DPF3: variants seen among roughly 807,000 people sequenced by gnomAD.
The protein encoded by DPF3 is double PHD fingers 3.
DPF3 carries 18 observed loss-of-function variants against 56.8 expected under a neutral mutation model. The ratio of observed to expected loss-of-function variants is 0.32; its 90% CI spans 0.22 to 0.47. DPF3 has a LOEUF of 0.47. DPF3 is among the 20% of genes least tolerant of loss of function. The pLI is 1.00. For missense variants in DPF3, 403 were observed against 488.8 expected, an observed-to-expected ratio of 0.82 and a Z score of 1.65; for synonymous variants, 188 against 180.2, an observed-to-expected ratio of 1.04 and a Z score of -0.35.
chr14:72,678,186 C>G (rs1217260603), intron 7 of DPF3, among the ~76,000 whole-genome samples: 1 of 152,214 alleles, frequency 6.6e-6, no homozygotes, highest in African/African-American at 2.4e-5. Context: ...GTTTCACCCC[C>G]AGTTTGTCTG....
chr14:72,709,524 C>T (rs2153575111), intron 6 of DPF3, among the ~76,000 whole-genome samples: 1 of 152,298 alleles, frequency 6.6e-6, no homozygotes, highest in South Asian at 2.1e-4. Context: ...GCGGCCAGGG[C>T]TTCACCTCAT....
At chr14:72,813,355 A>T (rs993349676) in intron 1 of DPF3, among the ~76,000 whole-genome samples, 11 of 152,288 alleles carry the variant, frequency 7.2e-5, no homozygotes, top group African/African-American at 2.6e-4. Context: ...GACAGGATTC[A>T]ATCTGGAGGA....
At chr14:72,871,306 TC>T (rs1351244470) in intron 1 of DPF3, among the ~76,000 whole-genome samples, 1 of 152,126 alleles carries the variant, frequency 6.6e-6, no homozygotes, top group African/African-American at 2.4e-5. Context: ...AATCATGCCT[TC>T]CCAAAAGTCC....
chr14:72,701,947 C>T (rs1016395322), intron 6 of DPF3, among the ~76,000 whole-genome samples: 6 of 152,184 alleles, frequency 3.9e-5, no homozygotes, highest in African/African-American at 7.2e-5. Flanking sequence ...TGTCATCTGC[C>T]GATGCCTCCA....
At chr14:72,769,305 A>C (rs1429681982) in intron 2 of DPF3, among the ~76,000 whole-genome samples, 1 of 152,162 alleles carries the variant, frequency 6.6e-6, no homozygotes, top group Non-Finnish European at 1.5e-5. Flanking sequence ...GAGAGGAGGA[A>C]GTGTACAGGA....
chr14:72,669,911 TG>T, intron 8 of DPF3: 1 of 985,954 alleles, frequency 1.0e-6, no homozygotes, highest in Non-Finnish European at 1.2e-6. Flanking sequence ...ATAGATATGA[TG>T]GTTTTGCCCA....
chr14:72,684,447 G>A (rs897405837), intron 7 of DPF3, among the ~76,000 whole-genome samples: 3 of 151,654 alleles, frequency 2.0e-5, no homozygotes, highest in Non-Finnish European at 4.4e-5. Context: ...TATTTTGGAA[G>A]ACTGAAGGAA....
rs903436539 is a variant in DPF3 at position 72,619,925 on chromosome 14, G to A, written c.1044C>T (p.Pro348=). Residue 348 remains proline, a synonymous_variant, in exon 10 of 11, where the codon CCC becomes CCT. Coordinates refer to ENST00000556509, the MANE Select transcript of DPF3 (RefSeq NM_001280542.3). ...DRGYHMYCLN[P]PVAEPPEGSW... ...TACCTTCTGGGGGCTCAGCCACCGG[G>A]GGATTTAAACAGTACATGTGATAGC... The A allele has an allele frequency of 2.0e-6, 3 of 1,534,214 alleles. No individual in the cohort carries two copies. The highest frequency in any genetic ancestry group is 4.9e-5 in the East Asian group (2 of 40,902).
At chr14:72,718,924 G>T (rs1220860124) in intron 5 of DPF3, among the ~76,000 whole-genome samples, 3 of 151,376 alleles carry the variant, frequency 2.0e-5, no homozygotes, top group Non-Finnish European at 4.4e-5. Context: ...GTGCATGCCG[G>T]CATGCCCAGC....
At chr14:72,758,073 A>G (rs1890912908) in intron 2 of DPF3, among the ~76,000 whole-genome samples, 1 of 152,232 alleles carries the variant, frequency 6.6e-6, no homozygotes, top group African/African-American at 2.4e-5. Context: ...AAAAGTGAAG[A>G]TACAGTTAGA....
intron 1 of DPF3, among the ~76,000 whole-genome samples, chr14:72,780,246 C>T (rs1891916928): frequency 2.0e-5 from 3 of 152,206 alleles, no homozygotes; most frequent in African/African-American, 4.8e-5. Context: ...TGAAAACTTG[C>T]TTCTTCCAGG....
rs146806666 is a variant in DPF3 at position 72,694,197 on chromosome 14, C to T, written c.605-984G>A. Among the ~76,000 whole-genome samples the T allele has an allele frequency of 2.1e-3, 319 of 152,314 alleles. 1 individual carries two copies. The highest frequency in any genetic ancestry group is 7.4e-3 in the African/African-American group (306 of 41,576). On this transcript the variant is annotated intron_variant, in intron 6 of 10. Coordinates refer to ENST00000556509, the MANE Select transcript of DPF3 (RefSeq NM_001280542.3). The stretch of plus-strand genomic sequence containing the variant: ...CCTCCCCACATAGGGATCATTATCT[C>T]GGCCCCTAGGGGGACGGCATTGCTG...
At chr14:72,878,154 G>A (rs752231796) in intron 1 of DPF3, among the ~76,000 whole-genome samples, 6 of 152,168 alleles carry the variant, frequency 3.9e-5, no homozygotes, top group Non-Finnish European at 7.3e-5. Flanking sequence ...CTGGGAGTCC[G>A]TGTCCACCTT....
intron 1 of DPF3, among the ~76,000 whole-genome samples, chr14:72,810,244 C>T (rs1421237894): frequency 1.3e-5 from 2 of 152,204 alleles, no homozygotes. Flanking sequence ...ATACCCGCCC[C>T]ATCCCTCCAA....
chr14:72,671,535 C>A (rs533327434), intron 8 of DPF3: 2 of 806,722 alleles, frequency 2.5e-6, no homozygotes, highest in African/African-American at 1.7e-5. Context: ...AGGCTTCCCC[C>A]ACTCCCCGAA....
chr14:72,738,858 T>C (rs1350625607), intron 3 of DPF3, among the ~76,000 whole-genome samples: 3 of 152,186 alleles, frequency 2.0e-5, no homozygotes, highest in African/African-American at 7.2e-5. Context: ...ATATATATAT[T>C]TAAACATCAC....
At chr14:72,743,586 G>C (rs1299517899) in intron 3 of DPF3, among the ~76,000 whole-genome samples, 1 of 135,258 alleles carries the variant, frequency 7.4e-6, no homozygotes, top group Non-Finnish European at 1.6e-5. Context: ...CCCAGCCTTT[G>C]TCTTTTCTTC....
In DPF3 at chr14:72,678,073, C is replaced by T. The variant is rs558384371; in HGVS notation, c.743-3705G>A. Reference sequence around the variant, plus strand: ...ATATATGTTATTTCATTGATTCTTGCAAAAACTTTGTGAAGTAGGGAATTT... The same window carrying T: ...ATATATGTTATTTCATTGATTCTTGTAAAAACTTTGTGAAGTAGGGAATTT... On this transcript the variant is annotated intron_variant, in intron 7 of 10. Coordinates refer to ENST00000556509, the MANE Select transcript of DPF3 (RefSeq NM_001280542.3). Among the ~76,000 whole-genome samples, 6 of 152,248 alleles carry T rather than the reference C, an allele frequency of 3.9e-5. No individual in the cohort carries two copies. The South Asian group carries it at 1.2e-3, about 32-fold the overall frequency.
chr14:72,632,522 A>C (rs1272994091), intron 8 of DPF3, among the ~76,000 whole-genome samples: 1 of 151,872 alleles, frequency 6.6e-6, no homozygotes, highest in East Asian at 1.9e-4. Flanking sequence ...AAATAAGGAA[A>C]ACAAATAAAA....
Sources: allele counts gnomAD v4.1 joint callset (sites outside exome capture counted in the v4.1 genomes callset), GRCh38; gene constraint gnomAD v4.1.1; transcripts MANE v1.5; gene names NCBI Gene and HGNC (gene_info 2026-07-23, HGNC 2026-07-21).